Variants in CEACAM1 observed in about 807,000 individuals in gnomAD.
CEACAM1 encodes cell adhesion molecule CEACAM1.
A neutral mutation model predicts 49.1 loss-of-function variants in CEACAM1; 31 were observed. That is an observed-to-expected ratio of 0.63 (90% CI 0.47 to 0.85). The LOEUF is 0.85. Ranked by LOEUF, CEACAM1 falls within the 40% of genes least tolerant of loss-of-function variation. The probability of loss-of-function intolerance (pLI) is 0.00; values close to 1 mark genes in which losing one functional copy is unlikely to be tolerated. For missense variants in CEACAM1, 570 were observed against 645.3 expected (o/e 0.88, Z 1.26); for synonymous variants, 244 against 247.8 (o/e 0.98, Z 0.14).
In CEACAM1 at chr19:42,509,099, A is replaced by G. The variant is rs1441092105; in HGVS notation, c.*10T>C. ...ATACATCAGCACTGCAGTGAGCAGG[A>G]CAGGTTTCATTACTGCTTTTTTACT... is the stretch of plus-strand genomic sequence containing the variant. On this transcript the variant is annotated 3_prime_UTR_variant, in exon 9 of 9. Transcript: ENST00000161559. The G allele has an allele frequency of 5.6e-6, 9 of 1,614,134 alleles. No homozygotes were observed. Among genetic ancestry groups the G allele is most frequent in the Non-Finnish European group, 7.6e-6 (9 of 1,179,966 alleles).
Position 42,511,609 on chromosome 19 carries a change from G to A in CEACAM1, c.1396C>T (p.Leu466Phe). Residue 466 changes from leucine (L) to phenylalanine (F), a missense_variant, in exon 7 of 9, where the codon CTC (leucine) becomes TTC (phenylalanine). By Grantham distance (22) the Leu-to-Phe change is conservative (BLOSUM62 0). Coordinates refer to ENST00000161559, the MANE Select transcript of CEACAM1 (RefSeq NM_001712.5). ...GAGACTGAGGGTTTGTGCTCTGTGA[G>A]ATCACGCTGGTCGCTTGCCCTAAAT... ...KTGRASDQRD[L>F]TEHKPSVSNH... 6.2e-7 allele frequency: 1 copy of A among 1,613,994 alleles called. No individual in the cohort carries two copies. Among genetic ancestry groups the A allele is most frequent in the Non-Finnish European group, 8.5e-7 (1 of 1,179,986 alleles).
rs1306912835 is a variant in CEACAM1 at position 42,511,746 on chromosome 19, T to C, written c.1377-118A>G. On this transcript the variant is annotated intron_variant, in intron 6 of 8. Coordinates refer to ENST00000161559, the MANE Select transcript of CEACAM1 (RefSeq NM_001712.5). ...AGAGTCCTTGATGTTCATACTGCCT[T>C]TCTTCTGAGGGCCTCGTTCTTCAGT... 1.0e-5 allele frequency: 9 copies of C among 902,480 alleles called. No individual in the cohort carries two copies. In the East Asian group the frequency reaches 1.7e-4, roughly 17 times the overall value. The allele number at this position is 902,480 out of a possible 1,614,324, so 55.9% of individuals were successfully genotyped here.
chr19:42,509,286 G>A (rs924871599), intron 8 of CEACAM1, 58 bp from the exon 9 acceptor site: 18 of 1,541,504 alleles, frequency 1.2e-5, no homozygotes, highest in Non-Finnish European at 1.6e-5. Flanking sequence ...GCCTCACCTT[G>A]CCTGGTGTGA....
intron 2 of CEACAM1, among the ~76,000 whole-genome samples, chr19:42,524,577 C>G (rs1300984497): frequency 6.6e-6 from 1 of 152,168 alleles, no homozygotes; most frequent in Non-Finnish European, 1.5e-5. Flanking sequence ...CTGTGCCTTT[C>G]CTATTGCCTG....
At chr19:42,522,805 C>T (rs187310879) in intron 2 of CEACAM1, among the ~76,000 whole-genome samples, 36 of 152,238 alleles carry the variant, frequency 2.4e-4, no homozygotes, top group Non-Finnish European at 3.4e-4. Context: ...CTGCCCGCCT[C>T]GGCCTCCCAA....
At chr19:42,510,626 G>T (rs1346184100) in intron 8 of CEACAM1, among the ~76,000 whole-genome samples, 1 of 152,208 alleles carries the variant, frequency 6.6e-6, no homozygotes, top group East Asian at 1.9e-4. Context: ...CAAAGCTGAT[G>T]ATCAAAGAGG....
chr19:42,521,906 G>A lies in CEACAM1; in HGVS notation c.703+18C>T. The A allele has an allele frequency of 6.2e-7, 1 of 1,614,212 alleles. No homozygotes were observed. Among genetic ancestry groups the A allele is most frequent in the South Asian group, 1.1e-5 (1 of 91,078 alleles). On this transcript the variant is annotated intron_variant, in intron 3 of 8. Transcript: ENST00000161559. ...TTGGGCTGGCAGCCTGGGCCACAGA[G>A]GAACAGAAGATACTCACAGGTGACA...
In CEACAM1 at chr19:42,519,008, A is replaced by G; in HGVS notation, c.1186T>C (p.Cys396Arg). 1.9e-6 allele frequency: 3 copies of G among 1,614,092 alleles called. No homozygotes were observed. The highest frequency in any genetic ancestry group is 2.5e-6 in the Non-Finnish European group (3 of 1,180,032). The change falls in exon 5 of 9, where the codon TGT (cysteine) becomes CGT (arginine). Residue 396 changes from cysteine to arginine, a missense_variant. Transcript: ENST00000161559. ...TTACTGATTGGGTTGAAGACCTCAC[A>G]CCAATACGTCCCAGCATCCTCCCTC... ...VKREDAGTYW[C>R]EVFNPISKNQ... is the part of the protein sequence containing the mutation.
At chr19:42,513,156 C>T (rs1460670988) in intron 5 of CEACAM1, among the ~76,000 whole-genome samples, 2 of 152,176 alleles carry the variant, frequency 1.3e-5, no homozygotes, top group Non-Finnish European at 2.9e-5. Context: ...TTGGTGCATT[C>T]TGAATTCACC....
At position 42,508,722 on chromosome 19, in the gene CEACAM1, A is replaced by G; in HGVS notation, c.*387T>C. 5.3e-6 allele frequency: 1 copy of G among 187,376 alleles called. No individual in the cohort carries two copies. The highest frequency in any genetic ancestry group is 1.1e-5 in the Non-Finnish European group (1 of 89,182). 11.6% of individuals were successfully genotyped at this position (187,376 alleles called of 1,614,324 possible). ...ACTTAATGGAAAAGGACATAACCTC[A>G]AGGCTATGGCAAATCCGAATTAGAG... On this transcript the variant is annotated 3_prime_UTR_variant, in exon 9 of 9. Coordinates refer to ENST00000161559, the MANE Select transcript of CEACAM1 (RefSeq NM_001712.5).
intron 3 of CEACAM1, 52 bp from the exon 4 acceptor site, chr19:42,521,573 G>T (rs1193956891): frequency 6.3e-7 from 1 of 1,586,744 alleles, no homozygotes; most frequent in Admixed American, 1.7e-5. Context: ...GGAAGGGGAA[G>T]CTGCTGGTCT....
chr19:42,508,981 G>A lies in CEACAM1; in HGVS notation c.*128C>T, dbSNP rs2041389412. The A allele has an allele frequency of 6.4e-6, 7 of 1,097,716 alleles. No individual in the cohort carries two copies. The South Asian group carries it at 8.8e-5, about 14-fold the overall frequency. The allele number at this position is 1,097,716 out of a possible 1,614,324, so 68.0% of individuals were successfully genotyped here. On this transcript the variant is annotated 3_prime_UTR_variant, in exon 9 of 9. Transcript: ENST00000161559. ...CCAGGCAGCCTGGAGATGCCTATTA[G>A]GAAGGAAGAGTAGGAGAAAGTTGTT... is the stretch of plus-strand genomic sequence containing the variant.
chr19:42,521,848 G>A (rs1482401934), intron 3 of CEACAM1, 76 bp downstream of exon 3: 1 of 1,608,748 alleles, frequency 6.2e-7, no homozygotes, highest in African/African-American at 1.3e-5. Context: ...GACCTGAGAG[G>A]GACTGAGAGG....
rs758321684 is a variant in CEACAM1, at chr19:42,515,956, G to A, written c.1246+2992C>T. Among the ~76,000 whole-genome samples the A allele has an allele frequency of 3.3e-4, 50 of 151,960 alleles. 2 individuals carry two copies. Among genetic ancestry groups the A allele is most frequent in the Admixed American group, 3.0e-3 (46 of 15,242 alleles). On this transcript the variant is annotated intron_variant, in intron 5 of 8. Coordinates refer to ENST00000161559, the MANE Select transcript of CEACAM1 (RefSeq NM_001712.5). ...CTATAACCAGTAATGAAAATGAGTC[G>A]ATAAAAGCATTTGACAAAATTCAAC... is the stretch of plus-strand genomic sequence containing the variant.
intron 5 of CEACAM1, among the ~76,000 whole-genome samples, chr19:42,517,448 A>G (rs951541590): frequency 8.5e-5 from 13 of 152,356 alleles, no homozygotes; most frequent in Non-Finnish European, 1.3e-4. Flanking sequence ...TTAATATCCA[A>G]AATATATAAA....
chr19:42,510,134 G>A (rs914131949), intron 8 of CEACAM1, among the ~76,000 whole-genome samples: 2 of 152,060 alleles, frequency 1.3e-5, no homozygotes, highest in African/African-American at 2.4e-5. Flanking sequence ...CGCCCAGGCT[G>A]GAGCGCAATG....
At chr19:42,518,389 G>A (rs2041651055) in intron 5 of CEACAM1, 1 of 157,478 alleles carries the variant, frequency 6.4e-6, no homozygotes, top group Non-Finnish European at 1.4e-5. Flanking sequence ...ACTCCAGCCT[G>A]GGTGACAGAG....
chr19:42,519,987 C>T (rs779902976), intron 4 of CEACAM1, among the ~76,000 whole-genome samples: 1 of 152,040 alleles, frequency 6.6e-6, no homozygotes, highest in African/African-American at 2.4e-5. Flanking sequence ...ATGATGATGC[C>T]CCATCCAGTC....
chr19:42,528,323 GC>G lies in CEACAM1; in HGVS notation c.51del (p.Leu18PhefsTer8), dbSNP rs1417539507. 1 of 1,613,696 alleles carries G rather than the reference GC, an allele frequency of 6.2e-7. No individual in the cohort carries two copies. The highest frequency in any genetic ancestry group is 8.5e-7 in the Non-Finnish European group (1 of 1,179,766). On this transcript the variant is annotated frameshift_variant, in exon 1 of 9. Coordinates refer to ENST00000161559, the MANE Select transcript of CEACAM1 (RefSeq NM_001712.5). LOFTEE classifies it high-confidence loss of function. ...PLHRVRVPWQ[G>X]LLLTASLLTF... The stretch of plus-strand genomic sequence containing the variant: ...GTCCTCCCCTCACCTGTGAGCAGAA[GC>G]CCCTGCCAGGGTACACGCACTCTGT...
Sources: gnomAD v4.1 joint callset for allele counts (sites outside exome capture counted in the v4.1 genomes callset) on GRCh38, gnomAD v4.1.1 for gene constraint, MANE v1.5 for transcripts, NCBI Gene and HGNC (gene_info 2026-07-23, HGNC 2026-07-21) for gene names.